Variants in YEATS4 observed in about 807,000 individuals in gnomAD.
The protein encoded by YEATS4 is YEATS domain containing 4.
A neutral mutation model predicts 30.1 loss-of-function variants in YEATS4; 17 were observed. The observed-to-expected ratio is 0.56, with a 90% CI of 0.39 to 0.85. YEATS4 has a LOEUF of 0.85. Among genes scored for constraint, YEATS4 ranks in the 40% least tolerant of loss-of-function variants. The pLI is 0.00. For missense variants in YEATS4, 142 were observed against 268.3 expected (o/e 0.53, Z 3.29); for synonymous variants, 85 against 87.5 (o/e 0.97, Z 0.16).
chr12:69,361,068 G>T (rs1376837172), intron 1 of YEATS4, among the ~76,000 whole-genome samples: 1 of 151,636 alleles, frequency 6.6e-6, no homozygotes, highest in Admixed American at 6.6e-5. Context: ...CGTGGTGGCG[G>T]GCACCTGTAA....
chr12:69,363,070 G>A (rs954079689), intron 2 of YEATS4, 163 bp downstream of exon 2: 2 of 454,200 alleles, frequency 4.4e-6, no homozygotes, highest in Middle Eastern at 8.1e-4. Flanking sequence ...TCAGCTCACT[G>A]CAAGCTCCGC....
chr12:69,372,257 T>C (rs1347783365), intron 6 of YEATS4, among the ~76,000 whole-genome samples: 1 of 152,204 alleles, frequency 6.6e-6, no homozygotes, highest in East Asian at 1.9e-4. Context: ...GATATTTTGA[T>C]ACAGGCATAC....
intron 6 of YEATS4, among the ~76,000 whole-genome samples, chr12:69,376,014 ATTTG>A (rs1258548881): frequency 2.0e-5 from 3 of 152,170 alleles, no homozygotes; most frequent in Non-Finnish European, 2.9e-5. Context: ...GTTTTACTGA[ATTTG>A]TTTATCAACT....
intron 1 of YEATS4, among the ~76,000 whole-genome samples, chr12:69,362,127 C>G (rs1875247713): frequency 6.7e-6 from 1 of 148,204 alleles, no homozygotes; most frequent in Admixed American, 6.8e-5. Context: ...AAGCAATTCT[C>G]CTGCTTCAGC....
At chr12:69,401,111 G>A in the YEATS4 span, 2 of 151,784 alleles carry the variant, frequency 1.3e-5, no homozygotes, top group African/African-American at 4.8e-5. Context: ...AATGAAGCAG[G>A]TCAGAACTCC....
At chr12:69,422,129 G>T in the YEATS4 span, among the ~76,000 whole-genome samples, 3 of 152,302 alleles carry the variant, frequency 2.0e-5, no homozygotes, top group East Asian at 3.9e-4. Context: ...TCCAAGAAGG[G>T]GGTGGAGGAT....
the YEATS4 span, among the ~76,000 whole-genome samples, chr12:69,405,678 T>A: frequency 6.6e-6 from 1 of 152,228 alleles, no homozygotes; most frequent in Non-Finnish European, 1.5e-5. Flanking sequence ...ACAGCGTGGA[T>A]CTGCTGGACA....
At chr12:69,408,115 A>G in the YEATS4 span, among the ~76,000 whole-genome samples, 1 of 152,088 alleles carries the variant, frequency 6.6e-6, no homozygotes, top group African/African-American at 2.4e-5. Context: ...AACTATCAAG[A>G]GTGTCTTATG....
chr12:69,376,442 A>G (rs1388119603), intron 6 of YEATS4, among the ~76,000 whole-genome samples: 1 of 152,230 alleles, frequency 6.6e-6, no homozygotes, highest in African/African-American at 2.4e-5. Flanking sequence ...ATTTTATCAG[A>G]TCCTTTTTCA....
At chr12:69,360,084 G>T (rs1386182369) in intron 1 of YEATS4, 61 bp downstream of exon 1, 22 of 1,559,346 alleles carry the variant, frequency 1.4e-5, no homozygotes, top group Non-Finnish European at 1.8e-5. Flanking sequence ...CTCCCTGCGC[G>T]GCGCGGGGAG....
chr12:69,395,453 G>C (rs938564992), downstream of YEATS4, among the ~76,000 whole-genome samples: 1 of 150,998 alleles, frequency 6.6e-6, no homozygotes, highest in Admixed American at 6.6e-5. Flanking sequence ...AGGGAAAGCA[G>C]TTTGAAAAAC....
At chr12:69,395,173 AAT>A (rs1047643366), downstream of YEATS4, among the ~76,000 whole-genome samples, 45 of 152,198 alleles carry the variant, frequency 3.0e-4, no homozygotes, top group Non-Finnish European at 5.6e-4. Flanking sequence ...GAGTTTTAGG[AAT>A]ATATTATTTA....
chr12:69,396,256 T>C, the YEATS4 span, among the ~76,000 whole-genome samples: 31 of 152,248 alleles, frequency 2.0e-4, no homozygotes, highest in Admixed American at 1.0e-3. Context: ...ACTAAATGAA[T>C]AGAGTCATAA....
In YEATS4 at chr12:69,359,884, G is replaced by C; in HGVS notation, c.-89G>C. On this transcript the variant is annotated 5_prime_UTR_variant, in exon 1 of 7. Transcript: ENST00000247843. ...CTAGAAACCCTCCGCCTGGGCCCGC[G>C]CGACAGGAGCGCGGTCTCTGAGGGG... 4 of 1,539,826 alleles carry C rather than the reference G, an allele frequency of 2.6e-6. No homozygotes were observed. Among genetic ancestry groups the C allele is most frequent in the Non-Finnish European group, 3.6e-6 (4 of 1,126,420 alleles).
the YEATS4 span, among the ~76,000 whole-genome samples, chr12:69,401,626 G>A: frequency 6.6e-6 from 1 of 152,210 alleles, no homozygotes; most frequent in African/African-American, 2.4e-5. Flanking sequence ...GGTCTAGATT[G>A]TGAGTTCATG....
intron 1 of YEATS4, 67 bp downstream of exon 1, chr12:69,360,090 G>A (rs1332565591): frequency 1.3e-6 from 2 of 1,562,968 alleles, no homozygotes; most frequent in Admixed American, 1.8e-5. Flanking sequence ...GCGCGGCGCG[G>A]GGAGGGCCCA....
chr12:69,370,983 C>A lies in YEATS4; in HGVS notation c.514+8C>A, dbSNP rs1002149282. 2 of 1,602,318 alleles carry A rather than the reference C, an allele frequency of 1.2e-6. No homozygotes were observed. The highest frequency in any genetic ancestry group is 4.5e-5 in the East Asian group (2 of 44,756). ...ATAAGCATGAAACAGAATGTAAGTGCCATGCATTCATAATTCTGAAAAATA... is the reference window on the plus strand; with the variant it reads ...ATAAGCATGAAACAGAATGTAAGTGACATGCATTCATAATTCTGAAAAATA... On this transcript the variant is annotated splice_region_variant and intron_variant, in intron 6 of 6. Transcript: ENST00000247843.
At chr12:69,383,245 TACA>T (rs1200404709) in intron 6 of YEATS4, among the ~76,000 whole-genome samples, 1 of 151,722 alleles carries the variant, frequency 6.6e-6, no homozygotes, top group Non-Finnish European at 1.5e-5. Flanking sequence ...GACTGAACAA[TACA>T]ACAAGATTCT....
Position 69,365,705 on chromosome 12 carries a change from A to G in YEATS4, c.238+6A>G, listed in dbSNP as rs375753517. 127 of 1,609,758 alleles carry G rather than the reference A, an allele frequency of 7.9e-5. No homozygotes were observed. In the South Asian group the frequency reaches 9.1e-4, roughly 12 times the overall value. On this transcript the variant is annotated splice_donor_region_variant and intron_variant, in intron 3 of 6. Transcript: ENST00000247843. The stretch of plus-strand genomic sequence containing the variant: ...CTATGGCAATCCTTTAAGAGGTACA[A>G]TATAGTCTTTTGATTCACAATATCC...
Sources: gnomAD v4.1 joint callset for allele counts (sites outside exome capture counted in the v4.1 genomes callset) on GRCh38, gnomAD v4.1.1 for gene constraint, MANE v1.5 for transcripts, NCBI Gene and HGNC (gene_info 2026-07-23, HGNC 2026-07-21) for gene names.